The following DAPK2 variants were observed in gnomAD, a reference collection of about 807,000 sequenced individuals.
DAPK2 encodes the protein death associated protein kinase 2.
Under a neutral mutation model 44.1 loss-of-function variants are expected in DAPK2, and 35 were observed. That is an observed-to-expected ratio of 0.79 (90% CI 0.61 to 1.05). The LOEUF is 1.05. Ranked by LOEUF, DAPK2 falls within the 50% of genes least tolerant of loss-of-function variation. DAPK2 has a pLI of 0.00. For synonymous variants in DAPK2, 174 were observed against 182.6 expected (o/e 0.95, Z 0.38); for missense variants, 453 against 483.2 (o/e 0.94, Z 0.59).
rs1437472573 is a variant in DAPK2 at position 63,923,703 on chromosome 15, C to T, written c.858+1113G>A. Among the ~76,000 whole-genome samples, 2 of 152,236 alleles carry T rather than the reference C, an allele frequency of 1.3e-5. No individual in the cohort carries two copies. The highest frequency in any genetic ancestry group is 2.9e-5 in the Non-Finnish European group (2 of 68,038). On this transcript the variant is annotated intron_variant, in intron 8 of 10. Transcript: ENST00000261891. The surrounding 1 kb of genome is among the most constrained non-coding windows in gnomAD (Gnocchi z 4.2). ...GGGCTCACGCAGCAGGGCTGAGGAG[C>T]ATCTCTCCTTCAGGGCTCCTTGGGC...
Position 63,980,934 on chromosome 15 carries a change from A to G in DAPK2, c.314+2599T>C, listed in dbSNP as rs1194182914. On this transcript the variant is annotated intron_variant, in intron 2 of 10. Transcript: ENST00000261891. The surrounding 1 kb of genome is among the most constrained non-coding windows in gnomAD (Gnocchi z 4.3). ...GAGAAACCCCATCTCTACTAAAAAT[A>G]CAAAAATTAGCTGGGTGTGGTGGTG... is the stretch of plus-strand genomic sequence containing the variant. Among the ~76,000 whole-genome samples, 1 of 152,154 alleles carries G rather than the reference A, an allele frequency of 6.6e-6. No individual in the cohort carries two copies. The highest frequency in any genetic ancestry group is 1.5e-5 in the Non-Finnish European group (1 of 68,016).
intron 1 of DAPK2, among the ~76,000 whole-genome samples, chr15:63,985,284 C>T (rs1405317279): frequency 2.6e-5 from 4 of 152,238 alleles, no homozygotes; most frequent in Non-Finnish European, 5.9e-5. Context: ...TGGCTCTGAG[C>T]TGTGCACACA....
At chr15:64,003,828 A>T (rs1036780038) in intron 1 of DAPK2, among the ~76,000 whole-genome samples, 1 of 151,978 alleles carries the variant, frequency 6.6e-6, no homozygotes, top group Non-Finnish European at 1.5e-5. Context: ...CTGGTCTCAA[A>T]CTCCTGACCT....
At chr15:63,921,379 C>G (rs1465639984) in intron 8 of DAPK2, 1 of 152,254 alleles carries the variant, frequency 6.6e-6, no homozygotes, top group East Asian at 1.9e-4. Flanking sequence ...TTCCTCAGCT[C>G]TAAATTGGGA....
At chr15:63,926,720 A>C (rs945006860) in intron 6 of DAPK2, among the ~76,000 whole-genome samples, 8 of 152,200 alleles carry the variant, frequency 5.3e-5, no homozygotes, top group African/African-American at 9.7e-5. Context: ...GCCTTGGTAG[A>C]GGTATGATCC....
exon 2 of DAPK2, chr15:63,983,715 G>A (rs2078595217): frequency 5.6e-6 from 9 of 1,613,118 alleles, no homozygotes; most frequent in East Asian, 2.2e-5. Flanking sequence ...CAAGCCCCGT[G>A]CTCTTCTCCC....
At chr15:64,024,616 C>T (rs1029429135) in intron 1 of DAPK2, among the ~76,000 whole-genome samples, 13 of 152,214 alleles carry the variant, frequency 8.5e-5, no homozygotes, top group Non-Finnish European at 1.5e-4. Flanking sequence ...CCTGGTGATT[C>T]CAGTGCCCAG....
intron 3 of DAPK2, among the ~76,000 whole-genome samples, chr15:63,963,282 C>T (rs535536810): frequency 2.6e-4 from 39 of 152,132 alleles, no homozygotes; most frequent in Non-Finnish European, 1.2e-4. Context: ...GGGAATTCCC[C>T]GACCCCTTGT....
At position 63,913,367 on chromosome 15, in the gene DAPK2, C is replaced by T. The variant is rs376235792; in HGVS notation, c.859-1170G>A. Among the ~76,000 whole-genome samples the T allele has an allele frequency of 9.9e-5, 15 of 152,254 alleles. No homozygotes were observed. The East Asian group carries it at 1.5e-3, about 16-fold the overall frequency. ...ATTTTATGATATATAAATTATAACT[C>T]AATTTTTAAAATTTAGTATGTATGT... On this transcript the variant is annotated intron_variant, in intron 8 of 10. Transcript: ENST00000261891.
chr15:63,991,621 A>C (rs544878340), intron 1 of DAPK2, among the ~76,000 whole-genome samples: 1 of 152,304 alleles, frequency 6.6e-6, no homozygotes, highest in Admixed American at 6.5e-5. Context: ...TGAGGCCTAA[A>C]GGGGCTTCAG....
chr15:64,036,090 A>G (rs181461474), intron 1 of DAPK2, among the ~76,000 whole-genome samples: 1 of 151,664 alleles, frequency 6.6e-6, no homozygotes, highest in Non-Finnish European at 1.5e-5. Context: ...GTGAAACCCC[A>G]TATCTACTAA....
intron 1 of DAPK2, among the ~76,000 whole-genome samples, chr15:64,001,649 T>C (rs2079087510): frequency 6.6e-6 from 1 of 152,178 alleles, no homozygotes; most frequent in Non-Finnish European, 1.5e-5. Flanking sequence ...TTCCTCTCAA[T>C]TGCACCCTTA....
intron 2 of DAPK2, among the ~76,000 whole-genome samples, chr15:63,975,604 C>CTTTTCT (rs1555472793): frequency 4.1e-5 from 6 of 146,448 alleles, no homozygotes; most frequent in Admixed American, 4.1e-4. Context: ...CTTTTCTTTT[C>CTTTTCT]TTTTTTTTTT....
At chr15:63,922,324 T>C in intron 8 of DAPK2, 1 of 999,716 alleles carries the variant, frequency 1.0e-6, no homozygotes, top group Non-Finnish European at 1.2e-6. Flanking sequence ...CATGCTGACT[T>C]AGTTATTCCT....
Position 63,990,443 on chromosome 15 carries a change from A to AAAGAAG in DAPK2, c.93-6690_93-6689insCTTCTT, listed in dbSNP as rs1174983716. Among the ~76,000 whole-genome samples the AAAGAAG allele has an allele frequency of 2.0e-5, 3 of 152,086 alleles. No individual in the cohort carries two copies. The highest frequency in any genetic ancestry group is 7.2e-5 in the African/African-American group (3 of 41,410). The stretch of plus-strand genomic sequence containing the variant: ...ACTCCATCTAGAAAAAGAAAAAGAA[A>AAAGAAG]GGTCCATGGATTGAGTGGGTCTACC... On this transcript the variant is annotated intron_variant, in intron 1 of 10. Coordinates refer to ENST00000261891, the Ensembl canonical transcript of DAPK2. The surrounding 1 kb of genome is among the most constrained non-coding windows in gnomAD (Gnocchi z 4.3).
At position 64,036,305 on chromosome 15, in the gene DAPK2, G is replaced by GTATATA. The variant is rs1247245619; in HGVS notation, c.92+3864_92+3865insTATATA. Among the ~76,000 whole-genome samples, 462 of 50,762 alleles carry GTATATA rather than the reference G, an allele frequency of 9.1e-3. 6 individuals carry two copies. Among genetic ancestry groups the GTATATA allele is most frequent in the Middle Eastern group, 0.023 (2 of 86 alleles). 33.3% of individuals were successfully genotyped at this position (50,762 alleles called of 152,430 possible). A position where few individuals can be genotyped will look rare whatever the true frequency, so the allele number is the denominator to read the frequency against. On this transcript the variant is annotated intron_variant, in intron 1 of 10. Coordinates refer to ENST00000261891, the Ensembl canonical transcript of DAPK2. ...TGTGTGTGTGTGTGTGTGTGTGTGTGTGTGTATATATATGTATATATATAT... is the reference window on the plus strand; with the variant it reads ...TGTGTGTGTGTGTGTGTGTGTGTGTGTATATATGTGTATATATATGTATATATATAT...
intron 1 of DAPK2, among the ~76,000 whole-genome samples, chr15:64,023,478 G>A (rs1001578700): frequency 2.6e-5 from 4 of 152,226 alleles, no homozygotes; most frequent in Non-Finnish European, 5.9e-5. Flanking sequence ...AAGGCAAAGA[G>A]AGAGAATTAA....
intron 3 of DAPK2, among the ~76,000 whole-genome samples, chr15:63,963,933 A>T (rs1419382216): frequency 6.6e-6 from 1 of 152,118 alleles, no homozygotes; most frequent in East Asian, 1.9e-4. Context: ...CATTGTAGTT[A>T]TTTTTTATCA....
chr15:63,995,622 G>T (rs1003181856), intron 1 of DAPK2, among the ~76,000 whole-genome samples: 6 of 152,154 alleles, frequency 3.9e-5, no homozygotes, highest in Non-Finnish European at 8.8e-5. Flanking sequence ...CTCCATGCAG[G>T]GTATACCTTC....
Sources: allele counts gnomAD v4.1 joint callset (sites outside exome capture counted in the v4.1 genomes callset), GRCh38; gene constraint gnomAD v4.1.1; non-coding constraint Gnocchi (gnomAD v3.1); transcripts MANE v1.5; gene names NCBI Gene and HGNC (gene_info 2026-07-23, HGNC 2026-07-21).